The following ATP2A1 variants were observed in gnomAD, a reference collection of about 807,000 sequenced individuals.
The protein encoded by ATP2A1 is sarcoplasmic/endoplasmic reticulum calcium ATPase 1.
ATP2A1 carries 83 observed loss-of-function variants against 109.5 expected under a neutral mutation model. That is an observed-to-expected ratio of 0.76 (90% confidence interval 0.63 to 0.91). The LOEUF (loss-of-function observed/expected upper bound fraction) is 0.91, where lower values mean the gene tolerates loss of function less well. Ranked by LOEUF, ATP2A1 falls within the 40% of genes least tolerant of loss-of-function variation. The probability of loss-of-function intolerance (pLI) is 0.00; values close to 1 mark genes in which losing one functional copy is unlikely to be tolerated. For synonymous variants in ATP2A1, 505 were observed against 537.6 expected (o/e 0.94, Z 0.84); for missense variants, 1,101 against 1,341.0 (o/e 0.82, Z 2.80).
At chr16:28,886,804 T>C (rs1478415995) in intron 6 of ATP2A1, among the ~76,000 whole-genome samples, 5 of 146,892 alleles carry the variant, frequency 3.4e-5, no homozygotes, top group African/African-American at 1.0e-4. Flanking sequence ...CTGGCCAACA[T>C]GGTGAGACCC....
At chr16:28,887,880 A>G (rs547480154) in intron 8 of ATP2A1, among the ~76,000 whole-genome samples, 158 bp downstream of exon 8, 1 of 151,966 alleles carries the variant, frequency 6.6e-6, no homozygotes, top group South Asian at 2.1e-4. Context: ...GGCTCACTGC[A>G]AGCTCCGCCT....
In ATP2A1 at chr16:28,902,555, C is replaced by T; in HGVS notation, c.2525-25C>T. The T allele has an allele frequency of 6.2e-7, 1 of 1,612,812 alleles. No homozygotes were observed. The highest frequency in any genetic ancestry group is 8.5e-7 in the Non-Finnish European group (1 of 1,179,002). On this transcript the variant is annotated intron_variant, in intron 17 of 22. Transcript: ENST00000395503. This position sits in a 1 kb window ranked among gnomAD's most constrained non-coding sequence, Gnocchi z 4.8. ...GCCCCCTATCTCCCCAGCCCTGACC[C>T]CCGACTCCCCTCTCTCCACCACAGG...
chr16:28,902,992 T>TCCTCAGTGTGCCTTCTCCCTCCC lies in ATP2A1; in HGVS notation c.2745-33_2745-32insGTGTGCCTTCTCCCTCCCCCTCA, dbSNP rs762737068. On this transcript the variant is annotated intron_variant, in intron 19 of 22. Transcript: ENST00000395503. This position sits in a 1 kb window ranked among gnomAD's most constrained non-coding sequence, Gnocchi z 4.8. ...TCCACTGTGCCGCCCACCTCCTTCC[T>TCCTCAGTGTGCCTTCTCCCTCCC]CCTCACTGTGCCTTCTCCCTCCCCT... 3.7e-6 allele frequency: 6 copies of TCCTCAGTGTGCCTTCTCCCTCCC among 1,612,860 alleles called. No homozygotes were observed. The South Asian group carries it at 5.5e-5, about 15-fold the overall frequency.
rs1963419685 is a variant in ATP2A1, at chr16:28,880,175, C to T, written c.219+592C>T. 4 of 976,968 alleles carry T rather than the reference C, an allele frequency of 4.1e-6. No individual in the cohort carries two copies. In the African/African-American group the frequency reaches 7.0e-5, roughly 17 times the overall value. 60.5% of individuals were successfully genotyped at this position (976,968 alleles called of 1,614,324 possible). ...CCCGCGCTCCCTAGGCACCCCCACC[C>T]CCGCAGGGCATCTCCAGGGCTCTGC... On this transcript the variant is annotated intron_variant, in intron 3 of 22. Transcript: ENST00000395503. The surrounding 1 kb of genome is among the most constrained non-coding windows in gnomAD (Gnocchi z 4.2).
Position 28,902,626 on chromosome 16 carries a change from G to A in ATP2A1, c.2571G>A (p.Leu857=). The A allele has an allele frequency of 5.6e-6, 9 of 1,614,098 alleles. No homozygotes were observed. The highest frequency in any genetic ancestry group is 7.6e-6 in the Non-Finnish European group (9 of 1,180,000). ...TGGGAGCAGCTGCCTGGTGGTTCCT[G>A]TACGCTGAGGATGGGCCTCATGTCA... ...ATVGAAAWWF[L]YAEDGPHVNY... The change falls in exon 18 of 23, where the codon CTG becomes CTA. Residue 857 remains leucine, a synonymous_variant. Transcript: ENST00000395503. This position sits in a 1 kb window ranked among gnomAD's most constrained non-coding sequence, Gnocchi z 4.8.
At position 28,900,559 on chromosome 16, in the gene ATP2A1, GCT is replaced by G. The variant is rs1378221140; in HGVS notation, c.1765-17_1765-16del. ...TTTCCAGATCCCCACCTGACCTGTG[GCT>G]CTCTGCTGTATCTCCCCAGACGGAC... On this transcript the variant is annotated intron_variant, in intron 14 of 22. Coordinates refer to ENST00000395503, the MANE Select transcript of ATP2A1 (RefSeq NM_004320.6). 6.5e-7 allele frequency: 1 copy of G among 1,539,460 alleles called. No individual in the cohort carries two copies. The highest frequency in any genetic ancestry group is 8.8e-7 in the Non-Finnish European group (1 of 1,142,368).
In ATP2A1 at chr16:28,903,180, C is replaced by T. The variant is rs1236175993; in HGVS notation, c.2862+33C>T. ...TTCTTCCGCCCAGGGCCGCCCACCC[C>T]AGCACTGGGGAGCCCACGGCGGGCC... is the stretch of plus-strand genomic sequence containing the variant. On this transcript the variant is annotated intron_variant, in intron 20 of 22. Coordinates refer to ENST00000395503, the MANE Select transcript of ATP2A1 (RefSeq NM_004320.6). This position sits in a 1 kb window ranked among gnomAD's most constrained non-coding sequence, Gnocchi z 5.6. The T allele has an allele frequency of 6.2e-7, 1 of 1,610,308 alleles. No individual in the cohort carries two copies. The highest frequency in any genetic ancestry group is 2.2e-5 in the East Asian group (1 of 44,860).
In ATP2A1 at chr16:28,902,011, G is replaced by T; in HGVS notation, c.2249G>T (p.Gly750Val). Residue 750 changes from glycine to valine, a missense_variant, in exon 16 of 23, where the codon GGC (glycine) becomes GTC (valine). Transcript: ENST00000395503. The surrounding 1 kb of genome is among the most constrained non-coding windows in gnomAD (Gnocchi z 4.8). The stretch of plus-strand genomic sequence containing the variant: ...ACCATCGTAGCTGCTGTGGAGGAGG[G>T]CCGCGCCATCTACAACAACATGAAG... ...FSTIVAAVEE[G>V]RAIYNNMKQF... 1 of 1,614,230 alleles carries T rather than the reference G, an allele frequency of 6.2e-7. No individual in the cohort carries two copies. Among genetic ancestry groups the T allele is most frequent in the Non-Finnish European group, 8.5e-7 (1 of 1,180,044 alleles).
At position 28,887,485 on chromosome 16, in the gene ATP2A1, G is replaced by A. The variant is rs778514898; in HGVS notation, c.691G>A (p.Glu231Lys). The A allele has an allele frequency of 1.9e-6, 3 of 1,614,114 alleles. No individual in the cohort carries two copies. Among genetic ancestry groups the A allele is most frequent in the Non-Finnish European group, 2.5e-6 (3 of 1,180,020 alleles). The change falls in exon 8 of 23, where the codon GAG (glutamate) becomes AAG (lysine). Residue 231 changes from glutamate (E) to lysine (K), a missense_variant. By Grantham distance (56) the Glu-to-Lys change is moderately conservative (BLOSUM62 1). Transcript: ENST00000395503. ...GIVATTGVGTEIGKIRDQMAA... is the reference protein window; with the variant it reads ...GIVATTGVGTKIGKIRDQMAA... ...CGTGGCCACCACTGGTGTGGGCACC[G>A]AGATTGGGAAGATCCGAGACCAAAT...
chr16:28,892,949 C>T (rs1963814089), intron 9 of ATP2A1, among the ~76,000 whole-genome samples: 1 of 151,446 alleles, frequency 6.6e-6, no homozygotes, highest in Admixed American at 6.6e-5. Flanking sequence ...GAGGCTGAGG[C>T]AGGAGAATCA....
At position 28,902,383 on chromosome 16, in the gene ATP2A1, G is replaced by A. The variant is rs1596687295; in HGVS notation, c.2521G>A (p.Gly841Arg). 5 of 1,613,804 alleles carry A rather than the reference G, an allele frequency of 3.1e-6. No homozygotes were observed. Among genetic ancestry groups the A allele is most frequent in the Admixed American group, 1.7e-5 (1 of 59,992 alleles). The part of the protein sequence containing the change: ...GWLFFRYMAI[G>R]GYVGAATVGA... ...GCTCTTCTTCCGCTACATGGCAATC[G>A]GGGGTGAGCTGGAGGGGTTCCTCGA... The change falls in exon 17 of 23, where the codon GGG (glycine) becomes AGG (arginine). Residue 841 changes from glycine (G) to arginine (R), a missense_variant. Gly to Arg is a moderately radical substitution (Grantham distance 125). Transcript: ENST00000395503. The surrounding 1 kb of genome is among the most constrained non-coding windows in gnomAD (Gnocchi z 4.8).
chr16:28,896,361 G>C (rs369264844), intron 12 of ATP2A1, among the ~76,000 whole-genome samples: 20 of 149,692 alleles, frequency 1.3e-4, no homozygotes, highest in African/African-American at 4.2e-4. Context: ...CTAGTAGCTG[G>C]GATTACAGAT....
At chr16:28,890,135 G>A (rs1167983876) in intron 9 of ATP2A1, among the ~76,000 whole-genome samples, 4 of 151,844 alleles carry the variant, frequency 2.6e-5, no homozygotes, top group South Asian at 4.2e-4. Context: ...GAGTAAGACT[G>A]TCTTAAATAA....
chr16:28,894,955 T>C lies in ATP2A1; in HGVS notation c.1419+2T>C. The C allele has an allele frequency of 6.2e-7, 1 of 1,610,952 alleles. No homozygotes were observed. The highest frequency in any genetic ancestry group is 8.5e-7 in the Non-Finnish European group (1 of 1,179,976). On this transcript the variant is annotated splice_donor_variant, in intron 12 of 22. Transcript: ENST00000395503. LOFTEE classifies it high-confidence loss of function. ...GAGAGAGCCAACGCCTGCAACTCGG[T>C]GAGCCTGCGGAGCCCCTGCCACAGG...
chr16:28,898,254 G>A lies in ATP2A1; in HGVS notation c.1567G>A (p.Asp523Asn), dbSNP rs748538818. The A allele has an allele frequency of 2.2e-5, 36 of 1,614,062 alleles. No homozygotes were observed. Among genetic ancestry groups the A allele is most frequent in the East Asian group, 6.7e-5 (3 of 44,898 alleles). ...CTAGGGTGCCCCTGAGGGCGTCATC[G>A]ACCGCTGTAACTATGTGCGAGTTGG... Reference protein sequence around the residue: ...FVKGAPEGVIDRCNYVRVGTT... With the variant: ...FVKGAPEGVINRCNYVRVGTT... The change falls in exon 14 of 23, where the codon GAC becomes AAC. Residue 523 changes from aspartate (D) to asparagine (N), a missense_variant. By Grantham distance (23) the Asp-to-Asn change is conservative. Transcript: ENST00000395503. The surrounding 1 kb of genome is among the most constrained non-coding windows in gnomAD (Gnocchi z 4.0).
intron 9 of ATP2A1, 88 bp from the exon 10 acceptor site, chr16:28,894,067 G>C: frequency 1.8e-6 from 2 of 1,107,910 alleles, no homozygotes; most frequent in Non-Finnish European, 2.7e-6. Context: ...GAAGGTAGGT[G>C]TTGGCAGTGC....
chr16:28,886,595 A>G (rs574971260), intron 6 of ATP2A1, among the ~76,000 whole-genome samples: 1 of 152,180 alleles, frequency 6.6e-6, no homozygotes, highest in African/African-American at 2.4e-5. Flanking sequence ...TTTGCAGTGT[A>G]CATGTCCTTG....
rs758430049 is a variant in ATP2A1, at chr16:28,903,036, C to T, written c.2751C>T (p.Ser917=). 1.1e-5 allele frequency: 17 copies of T among 1,613,768 alleles called. No individual in the cohort carries two copies. Among genetic ancestry groups the T allele is most frequent in the South Asian group, 4.4e-5 (4 of 91,088 alleles). Residue 917 remains serine (S), a synonymous_variant, in exon 20 of 23, where the codon TCC becomes TCT. Coordinates refer to ENST00000395503, the MANE Select transcript of ATP2A1 (RefSeq NM_004320.6). This position sits in a 1 kb window ranked among gnomAD's most constrained non-coding sequence, Gnocchi z 5.6. ...CTCCCCTTCCCCTCTGCAGCCTGTC[C>T]GAGAACCAGTCCCTGCTGCGGATGC... ...IEMCNALNSL[S]ENQSLLRMPP...
rs1964111106 is a variant in ATP2A1, at chr16:28,902,553, C to T, written c.2525-27C>T. On this transcript the variant is annotated intron_variant, in intron 17 of 22. Transcript: ENST00000395503. The surrounding 1 kb of genome is among the most constrained non-coding windows in gnomAD (Gnocchi z 4.8). ...ATGCCCCCTATCTCCCCAGCCCTGACCCCCGACTCCCCTCTCTCCACCACA... is the reference window on the plus strand; with the variant it reads ...ATGCCCCCTATCTCCCCAGCCCTGATCCCCGACTCCCCTCTCTCCACCACA... 1 of 1,611,478 alleles carries T rather than the reference C, an allele frequency of 6.2e-7. No individual in the cohort carries two copies. The highest frequency in any genetic ancestry group is 8.5e-7 in the Non-Finnish European group (1 of 1,177,864).
Sources: allele counts gnomAD v4.1 joint callset (sites outside exome capture counted in the v4.1 genomes callset), GRCh38; gene constraint gnomAD v4.1.1; non-coding constraint Gnocchi (gnomAD v3.1); transcripts MANE v1.5; gene names NCBI Gene and HGNC (gene_info 2026-07-23, HGNC 2026-07-21).